Variants in WBP1L observed in about 807,000 individuals in gnomAD.
WBP1L encodes WW domain binding protein 1 like, also known as WW domain binding protein 1-like.
WBP1L carries 17 observed loss-of-function variants against 33.7 expected under a neutral mutation model. The ratio of observed to expected loss-of-function variants is 0.50; its 90% CI spans 0.34 to 0.76. WBP1L has a LOEUF of 0.76. WBP1L is among the 30% of genes least tolerant of loss of function. The pLI is 0.01. For synonymous variants in WBP1L, 173 were observed against 190.8 expected, an observed-to-expected ratio of 0.91 and a Z score of 0.77; for missense variants, 389 against 469.4, an observed-to-expected ratio of 0.83 and a Z score of 1.58.
chr10:102,770,161 G>A (rs1355642294), intron 1 of WBP1L, among the ~76,000 whole-genome samples: 1 of 152,204 alleles, frequency 6.6e-6, no homozygotes, highest in East Asian at 1.9e-4. Flanking sequence ...TTAATGCCTA[G>A]CCTCACACCC....
chr10:102,799,992 G>A (rs1229982982), intron 2 of WBP1L, among the ~76,000 whole-genome samples: 1 of 152,206 alleles, frequency 6.6e-6, no homozygotes, highest in Non-Finnish European at 1.5e-5. Flanking sequence ...GAGCAGTCCA[G>A]TGCAGGAGAG....
chr10:102,745,118 A>T (rs1160857522), intron 1 of WBP1L, among the ~76,000 whole-genome samples: 1 of 152,198 alleles, frequency 6.6e-6, no homozygotes, highest in East Asian at 1.9e-4. Context: ...AGGCATACAC[A>T]CATAGACGCA....
At chr10:102,812,261 G>T (rs749299631) in intron 3 of WBP1L, among the ~76,000 whole-genome samples, 25 of 152,218 alleles carry the variant, frequency 1.6e-4, no homozygotes, top group Non-Finnish European at 3.1e-4. Context: ...GTGGAAGTGG[G>T]TCCATTCCAG....
intron 1 of WBP1L, among the ~76,000 whole-genome samples, chr10:102,785,409 G>A (rs1242106501): frequency 6.8e-6 from 1 of 146,440 alleles, no homozygotes; most frequent in East Asian, 2.1e-4. Flanking sequence ...GGATGGTCTC[G>A]AACTCCTGAT....
chr10:102,774,973 C>T (rs1208808938), intron 1 of WBP1L, among the ~76,000 whole-genome samples: 1 of 151,796 alleles, frequency 6.6e-6, no homozygotes, highest in Admixed American at 6.6e-5. Context: ...AAATTAGCTG[C>T]GCATGGTAGC....
chr10:102,783,122 G>A (rs1360313069), intron 1 of WBP1L, among the ~76,000 whole-genome samples: 1 of 152,152 alleles, frequency 6.6e-6, no homozygotes, highest in Non-Finnish European at 1.5e-5. Context: ...AGTGCCGTGG[G>A]AGGTTAGGAC....
intron 1 of WBP1L, among the ~76,000 whole-genome samples, chr10:102,770,784 C>T (rs972184405): frequency 4.6e-5 from 7 of 152,194 alleles, no homozygotes; most frequent in East Asian, 1.9e-4. Flanking sequence ...GGTTCCAGAG[C>T]GCTGACCAGG....
chr10:102,787,843 C>T (rs878890390), intron 1 of WBP1L, among the ~76,000 whole-genome samples: 22 of 151,748 alleles, frequency 1.4e-4, no homozygotes, highest in African/African-American at 4.4e-4. Context: ...TTTGGGAGGC[C>T]GAGGTGGGCG....
chr10:102,765,594 G>C (rs980201595), intron 1 of WBP1L, among the ~76,000 whole-genome samples: 3 of 152,124 alleles, frequency 2.0e-5, no homozygotes, highest in Non-Finnish European at 4.4e-5. Context: ...TTTCTTGAGG[G>C]CCTGCTTTGT....
chr10:102,756,334 C>T (rs888766199), intron 1 of WBP1L, among the ~76,000 whole-genome samples: 8 of 152,022 alleles, frequency 5.3e-5, no homozygotes, highest in Non-Finnish European at 8.8e-5. Context: ...CACTTGAACC[C>T]GGGAAGCAGA....
chr10:102,805,273 G>T (rs970670158), intron 2 of WBP1L, among the ~76,000 whole-genome samples: 1 of 151,964 alleles, frequency 6.6e-6, no homozygotes, highest in Non-Finnish European at 1.5e-5. Context: ...AGTAATACCT[G>T]TCTCAAAAAT....
At position 102,763,424 on chromosome 10, in the gene WBP1L, T is replaced by C. The variant is rs1310812421; in HGVS notation, c.90+19281T>C. 2.0e-5 allele frequency among the ~76,000 whole-genome samples: 3 copies of C among 152,198 alleles called. No individual in the cohort carries two copies. In the East Asian group the frequency reaches 5.8e-4, roughly 29 times the overall value. ...GTAGACTTTGATTACATGGGCCTCTTATCACAGAAATGGCTGGCCTGGGAG... is the reference window on the plus strand; with the variant it reads ...GTAGACTTTGATTACATGGGCCTCTCATCACAGAAATGGCTGGCCTGGGAG... On this transcript the variant is annotated intron_variant, in intron 1 of 3. Coordinates refer to ENST00000448841, the MANE Select transcript of WBP1L (RefSeq NM_001083913.2).
intron 1 of WBP1L, among the ~76,000 whole-genome samples, chr10:102,773,183 C>T (rs1843215222): frequency 6.6e-6 from 1 of 152,134 alleles, no homozygotes; most frequent in Admixed American, 6.5e-5. Flanking sequence ...AGAAAGTGAA[C>T]TCACTTTCCT....
At chr10:102,749,122 TGGAAATGA>T (rs1321545544) in intron 1 of WBP1L, among the ~76,000 whole-genome samples, 2 of 152,222 alleles carry the variant, frequency 1.3e-5, no homozygotes, top group African/African-American at 4.8e-5. Context: ...TCTGTGATGC[TGGAAATGA>T]TCTCTCTCTG....
intron 1 of WBP1L, among the ~76,000 whole-genome samples, chr10:102,781,136 A>G (rs977266565): frequency 1.3e-5 from 2 of 152,232 alleles, no homozygotes; most frequent in Admixed American, 6.5e-5. Context: ...GCCGAATGTG[A>G]CAAGGCAACT....
chr10:102,808,100 G>T (rs1175614708), intron 2 of WBP1L, among the ~76,000 whole-genome samples: 1 of 151,954 alleles, frequency 6.6e-6, no homozygotes, highest in Non-Finnish European at 1.5e-5. Flanking sequence ...GACAGCTTGC[G>T]CCCAGAAGGT....
intron 1 of WBP1L, among the ~76,000 whole-genome samples, chr10:102,788,287 T>G (rs374691690): frequency 6.6e-6 from 1 of 151,712 alleles, no homozygotes; most frequent in Non-Finnish European, 1.5e-5. Flanking sequence ...TTTTTTGCAT[T>G]TTTTAGTAGA....
intron 1 of WBP1L, among the ~76,000 whole-genome samples, chr10:102,772,504 G>T: frequency 7.1e-6 from 1 of 141,660 alleles, no homozygotes; most frequent in Non-Finnish European, 1.5e-5. Context: ...CAGGTGATCT[G>T]CCTGCCTTGG....
At chr10:102,787,141 A>G (rs568064753) in intron 1 of WBP1L, among the ~76,000 whole-genome samples, 1 of 152,356 alleles carries the variant, frequency 6.6e-6, no homozygotes, top group South Asian at 2.1e-4. Context: ...ATGCAAGACA[A>G]AGTCTTGGTT....
Sources: allele counts gnomAD v4.1 joint callset (sites outside exome capture counted in the v4.1 genomes callset), GRCh38; gene constraint gnomAD v4.1.1; transcripts MANE v1.5; gene names NCBI Gene and HGNC (gene_info 2026-07-23, HGNC 2026-07-21).